HDAC8: variants seen among roughly 807,000 people sequenced by gnomAD.
HDAC8 encodes the protein histone deacetylase-like 1.
HDAC8 carries 1 observed loss-of-function variant against 32.2 expected under a neutral mutation model. That is an observed-to-expected ratio of 0.03 (90% confidence interval 0.01 to 0.15). HDAC8 has a LOEUF of 0.15. Ranked by LOEUF, HDAC8 falls within the 10% of genes least tolerant of loss-of-function variation. The pLI, the probability that HDAC8 is intolerant of heterozygous loss-of-function variation, is 1.00. For missense variants in HDAC8, 117 were observed against 300.0 expected, an observed-to-expected ratio of 0.39 and a Z score of 4.51; for synonymous variants, 108 against 113.9, an observed-to-expected ratio of 0.95 and a Z score of 0.33.
At chrX:72,527,687 T>C (rs1200948211) in intron 4 of HDAC8, among the ~76,000 whole-genome samples, 2 of 110,853 alleles carry the variant, frequency 1.8e-5, no homozygotes, top group African/African-American at 6.6e-5. Flanking sequence ...CTCTAGCATC[T>C]AGCAGAGTTC....
At chrX:72,516,029 G>C (rs1459104386) in intron 4 of HDAC8, among the ~76,000 whole-genome samples, 1 of 111,962 alleles carries the variant, frequency 8.9e-6, no homozygotes, top group Non-Finnish European at 1.9e-5. Flanking sequence ...CATCACAGGG[G>C]CTTGTAGGCC....
chrX:72,353,420 A>G (rs975111771), intron 9 of HDAC8, among the ~76,000 whole-genome samples: 2 of 111,798 alleles, frequency 1.8e-5, no homozygotes, highest in Non-Finnish European at 3.8e-5. Flanking sequence ...TGGAGTTATT[A>G]CTCTCTGATA....
chrX:72,393,796 T>G (rs181992076), intron 9 of HDAC8, among the ~76,000 whole-genome samples: 2 of 112,271 alleles, frequency 1.8e-5, no homozygotes, highest in Admixed American at 1.9e-4. Flanking sequence ...AAGCACACAC[T>G]CAAAATAAAC....
chrX:72,494,244 T>G (rs1468184181), intron 5 of HDAC8, among the ~76,000 whole-genome samples: 1 of 111,138 alleles, frequency 9.0e-6, no homozygotes, highest in Non-Finnish European at 1.9e-5. Context: ...CAGATGAAGC[T>G]CTCTGGAAAG....
intron 9 of HDAC8, among the ~76,000 whole-genome samples, chrX:72,449,686 A>C (rs1180909478): frequency 1.8e-5 from 2 of 111,601 alleles, no homozygotes; most frequent in Non-Finnish European, 3.8e-5. Context: ...ACACCATTGG[A>C]AAGACAGAGA....
intron 7 of HDAC8, among the ~76,000 whole-genome samples, chrX:72,469,756 G>A (rs1385170376): frequency 2.7e-5 from 3 of 111,811 alleles, no homozygotes; most frequent in Admixed American, 9.5e-5. Flanking sequence ...GCTTGGCCAC[G>A]TTTCACTTTA....
At chrX:72,434,752 A>G (rs1397473136) in intron 9 of HDAC8, among the ~76,000 whole-genome samples, 1 of 111,987 alleles carries the variant, frequency 8.9e-6, no homozygotes, top group African/African-American at 3.2e-5. Context: ...TATTAATGAT[A>G]TCTAAAATTT....
intron 7 of HDAC8, among the ~76,000 whole-genome samples, chrX:72,487,572 AGGTGATCCATTTAG>A (rs1387828786): frequency 7.2e-5 from 8 of 110,440 alleles, no homozygotes; most frequent in Non-Finnish European, 1.3e-4. Context: ...GGTACATGTA[AGGTGATCCATTTAG>A]GGTGATCCAT....
chrX:72,345,913 G>A (rs1555946788), intron 10 of HDAC8, among the ~76,000 whole-genome samples: 1 of 110,936 alleles, frequency 9.0e-6, no homozygotes, highest in Non-Finnish European at 1.9e-5. Flanking sequence ...TGAACTCCTC[G>A]GCTCAAGCAA....
chrX:72,419,255 T>G (rs1166112903), intron 9 of HDAC8, among the ~76,000 whole-genome samples: 4 of 111,792 alleles, frequency 3.6e-5, no homozygotes, highest in African/African-American at 1.3e-4. Context: ...TCAATGAACA[T>G]GAGATGTCTT....
At chrX:72,459,529 C>G (rs782147977) in intron 9 of HDAC8, among the ~76,000 whole-genome samples, 1 of 111,084 alleles carries the variant, frequency 9.0e-6, no homozygotes, top group South Asian at 3.9e-4. Context: ...ACCTTTTCAC[C>G]TACTAGATTT....
chrX:72,354,269 C>T (rs1282348726), intron 9 of HDAC8, among the ~76,000 whole-genome samples: 2 of 112,220 alleles, frequency 1.8e-5, no homozygotes, highest in Non-Finnish European at 3.8e-5. Context: ...CTTTGCCAAT[C>T]AGATGTTATT....
chrX:72,546,845 T>G (rs1569393183), intron 4 of HDAC8, among the ~76,000 whole-genome samples: 1 of 111,460 alleles, frequency 9.0e-6, no homozygotes, highest in Non-Finnish European at 1.9e-5. Context: ...TCACAAGAGA[T>G]GCTTCTCTAA....
intron 9 of HDAC8, among the ~76,000 whole-genome samples, chrX:72,379,963 T>G (rs189086258): frequency 4.5e-4 from 50 of 111,255 alleles, no homozygotes; most frequent in African/African-American, 1.6e-3. Flanking sequence ...ACCAAGATGC[T>G]CTGTGTGTAT....
intron 4 of HDAC8, among the ~76,000 whole-genome samples, chrX:72,565,246 T>C (rs1433527782): frequency 8.9e-6 from 1 of 112,525 alleles, no homozygotes; most frequent in Admixed American, 9.4e-5. Context: ...TGTATGAATC[T>C]GTACATATAT....
intron 4 of HDAC8, among the ~76,000 whole-genome samples, chrX:72,522,120 T>C (rs782640103): frequency 1.8e-5 from 2 of 112,209 alleles, no homozygotes; most frequent in South Asian, 7.4e-4. Context: ...CAAATGTGGC[T>C]CACTCTCTGA....
At chrX:72,367,396 G>T (rs1555954740) in intron 9 of HDAC8, among the ~76,000 whole-genome samples, 1 of 112,100 alleles carries the variant, frequency 8.9e-6, no homozygotes, top group Non-Finnish European at 1.9e-5. Flanking sequence ...AATTCTTCAA[G>T]GCTCTGTCGC....
chrX:72,428,974 G>GTAAA (rs1555976536), intron 9 of HDAC8, among the ~76,000 whole-genome samples: 1 of 109,419 alleles, frequency 9.1e-6, no homozygotes, highest in African/African-American at 3.3e-5. Context: ...AAAGTACCTG[G>GTAAA]TAAATAGTAG....
At chrX:72,553,209 T>A (rs1556079230) in intron 4 of HDAC8, among the ~76,000 whole-genome samples, 1 of 110,822 alleles carries the variant, frequency 9.0e-6, no homozygotes. Context: ...CATGCCCAGC[T>A]AATGTTTTGT....
Sources: allele counts gnomAD v4.1 joint callset (sites outside exome capture counted in the v4.1 genomes callset), GRCh38; gene constraint gnomAD v4.1.1; transcripts MANE v1.5; gene names NCBI Gene and HGNC (gene_info 2026-07-23, HGNC 2026-07-21).